Variants in ADGRB3 observed in about 807,000 individuals in gnomAD.
ADGRB3 encodes the protein adhesion G protein-coupled receptor B3, also known as brain-specific angiogenesis inhibitor 3.
A neutral mutation model predicts 193.4 loss-of-function variants in ADGRB3; 37 were observed. The observed-to-expected ratio is 0.19, with a 90% CI of 0.15 to 0.25. The LOEUF is 0.25. Among genes scored for constraint, ADGRB3 ranks in the 10% least tolerant of loss-of-function variants. The pLI is 1.00. For synonymous variants in ADGRB3, 690 were observed against 644.2 expected, an observed-to-expected ratio of 1.07 and a Z score of -1.08; for missense variants, 1,637 against 1,852.9, an observed-to-expected ratio of 0.88 and a Z score of 2.14.
At chr6:68,681,721 C>CAACATCAAA (rs1249822421) in intron 3 of ADGRB3, among the ~76,000 whole-genome samples, 6 of 135,744 alleles carry the variant, frequency 4.4e-5, no homozygotes, top group African/African-American at 2.3e-4. Flanking sequence ...ACATCAAAAA[C>CAACATCAAA]AACAAAAATT....
At chr6:69,387,004 CT>C (rs1009768601) in intron 31 of ADGRB3, among the ~76,000 whole-genome samples, 1 of 152,066 alleles carries the variant, frequency 6.6e-6, no homozygotes, top group East Asian at 1.9e-4. Context: ...GGTTACCCCA[CT>C]TTTTTATTTT....
At chr6:68,924,089 G>A (rs1049037288) in intron 3 of ADGRB3, among the ~76,000 whole-genome samples, 3 of 151,942 alleles carry the variant, frequency 2.0e-5, no homozygotes, top group Non-Finnish European at 2.9e-5. Flanking sequence ...TGTATTTGTC[G>A]TTTATGTGCT....
At chr6:69,171,918 C>G (rs1015170512) in intron 17 of ADGRB3, among the ~76,000 whole-genome samples, 1 of 152,188 alleles carries the variant, frequency 6.6e-6, no homozygotes, top group African/African-American at 2.4e-5. Context: ...CATTTCCCAG[C>G]CTCCTTTGCA....
At chr6:68,886,196 T>G (rs1455942185) in intron 3 of ADGRB3, among the ~76,000 whole-genome samples, 1 of 152,092 alleles carries the variant, frequency 6.6e-6, no homozygotes, top group Non-Finnish European at 1.5e-5. Context: ...AATTCTGGTA[T>G]TTAGACTTGC....
chr6:68,967,987 G>A (rs1240294396), intron 8 of ADGRB3, among the ~76,000 whole-genome samples: 1 of 152,118 alleles, frequency 6.6e-6, no homozygotes, highest in Non-Finnish European at 1.5e-5. Context: ...GGGTGGAGAA[G>A]GCCTGTGCAG....
At position 69,122,844 on chromosome 6, in the gene ADGRB3, A is replaced by G. The variant is rs191597989; in HGVS notation, c.2480+46806A>G. On this transcript the variant is annotated intron_variant, in intron 17 of 31. Coordinates refer to ENST00000370598, the MANE Select transcript of ADGRB3 (RefSeq NM_001704.3). ...TGGTTTCAAACATACATACATACAT[A>G]CATACAACTTATTCTGTGACCTTGA... Among the ~76,000 whole-genome samples the G allele has an allele frequency of 9.9e-5, 15 of 152,212 alleles. 1 individual carries two copies. Among genetic ancestry groups the G allele is most frequent in the Admixed American group, 9.8e-4 (15 of 15,290 alleles).
At chr6:68,638,596 G>T (rs1768007095) in intron 2 of ADGRB3, 65 bp from the exon 3 acceptor site, 3 of 1,434,814 alleles carry the variant, frequency 2.1e-6, no homozygotes, top group Non-Finnish European at 2.8e-6. Context: ...AATATTGAAA[G>T]GAGTTTATTT....
chr6:68,905,681 G>A (rs1766524062), intron 3 of ADGRB3, among the ~76,000 whole-genome samples: 1 of 152,096 alleles, frequency 6.6e-6, no homozygotes, highest in Non-Finnish European at 1.5e-5. Context: ...GTAGAAATGG[G>A]ATCATCCCCA....
chr6:69,160,951 C>T (rs1410905522), intron 17 of ADGRB3, among the ~76,000 whole-genome samples: 1 of 152,042 alleles, frequency 6.6e-6, no homozygotes, highest in Non-Finnish European at 1.5e-5. Context: ...CCCATTAGCT[C>T]AATATGCCAA....
chr6:69,004,675 A>C (rs1769694008), intron 11 of ADGRB3, among the ~76,000 whole-genome samples: 1 of 150,914 alleles, frequency 6.6e-6, no homozygotes, highest in Admixed American at 6.6e-5. Context: ...TAAGGACACC[A>C]GTCAGATTAG....
At chr6:68,724,810 C>A (rs182057122) in intron 3 of ADGRB3, among the ~76,000 whole-genome samples, 19 of 151,574 alleles carry the variant, frequency 1.3e-4, no homozygotes, top group Admixed American at 1.2e-3. Flanking sequence ...ATGCTTAAAG[C>A]GGTGTGTTGG....
chr6:68,864,238 A>G (rs890824356), intron 3 of ADGRB3, among the ~76,000 whole-genome samples: 1 of 152,220 alleles, frequency 6.6e-6, no homozygotes, highest in Non-Finnish European at 1.5e-5. Context: ...TGATATGGCT[A>G]TATCTATGCA....
chr6:68,773,571 T>C (rs1408860543), intron 3 of ADGRB3, among the ~76,000 whole-genome samples: 1 of 152,152 alleles, frequency 6.6e-6, no homozygotes, highest in Non-Finnish European at 1.5e-5. Flanking sequence ...TTTAAAAATG[T>C]GATTAAGATA....
chr6:69,136,643 T>C (rs942141058), intron 17 of ADGRB3, among the ~76,000 whole-genome samples: 1 of 149,726 alleles, frequency 6.7e-6, no homozygotes, highest in Non-Finnish European at 1.5e-5. Context: ...CATTTTTTTT[T>C]CTTCTTCAAA....
chr6:69,121,932 A>C (rs1382066688), intron 17 of ADGRB3, among the ~76,000 whole-genome samples: 1 of 144,646 alleles, frequency 6.9e-6, no homozygotes, highest in African/African-American at 2.6e-5. Context: ...CTCATCCCAG[A>C]CTGGGCGGCT....
intron 17 of ADGRB3, among the ~76,000 whole-genome samples, chr6:69,219,460 C>CAT (rs1561956677): frequency 5.5e-5 from 3 of 54,826 alleles, no homozygotes; most frequent in East Asian, 7.4e-4. Context: ...TACACACACA[C>CAT]GTATATATAT....
chr6:68,642,384 A>G (rs1768103436), intron 3 of ADGRB3, among the ~76,000 whole-genome samples: 1 of 152,116 alleles, frequency 6.6e-6, no homozygotes, highest in African/African-American at 2.4e-5. Context: ...AAAACAATAG[A>G]CTCTCAGGAG....
intron 3 of ADGRB3, among the ~76,000 whole-genome samples, chr6:68,641,383 A>T (rs966293481): frequency 6.6e-6 from 1 of 152,198 alleles, no homozygotes; most frequent in African/African-American, 2.4e-5. Flanking sequence ...TTTGTAAGTG[A>T]AGACAAATAA....
At chr6:69,388,068 C>T (rs1191074764) in intron 31 of ADGRB3, among the ~76,000 whole-genome samples, 1 of 151,352 alleles carries the variant, frequency 6.6e-6, no homozygotes. Context: ...TATACAATTA[C>T]AAGTTTAAAA....
Sources: allele counts gnomAD v4.1 joint callset (sites outside exome capture counted in the v4.1 genomes callset), GRCh38; gene constraint gnomAD v4.1.1; transcripts MANE v1.5; gene names NCBI Gene and HGNC (gene_info 2026-07-23, HGNC 2026-07-21).